ILKAP: variants seen among roughly 807,000 people sequenced by gnomAD.
ILKAP encodes integrin-linked kinase-associated serine/threonine phosphatase 2C.
Under a neutral mutation model 49.1 loss-of-function variants are expected in ILKAP, and 11 were observed. The ratio of observed to expected loss-of-function variants is 0.22; its 90% CI spans 0.14 to 0.37. The LOEUF (loss-of-function observed/expected upper bound fraction) is 0.37. Among genes scored for constraint, ILKAP ranks in the 10% least tolerant of loss-of-function variants. The pLI, the probability that ILKAP is intolerant of heterozygous loss-of-function variation, is 1.00. For missense variants in ILKAP, 363 were observed against 510.8 expected (o/e 0.71, Z 2.79); for synonymous variants, 186 against 192.8 (o/e 0.96, Z 0.29).
In ILKAP at chr2:238,189,755, A is replaced by G. The variant is rs185044328; in HGVS notation, c.298+98T>C. The G allele has an allele frequency of 1.4e-3, 1,608 of 1,161,278 alleles. 16 individuals are homozygous for G. Among genetic ancestry groups the G allele is most frequent in the South Asian group, 1.1e-3 (72 of 67,916 alleles). 71.9% of individuals were successfully genotyped at this position (1,161,278 alleles called of 1,614,324 possible). The stretch of plus-strand genomic sequence containing the variant: ...CCCTACTTATTTCTTAAATACAGAC[A>G]TAAAAAGAAAGTATTATTAGAAAGC... On this transcript the variant is annotated intron_variant, in intron 4 of 11. Coordinates refer to ENST00000254654, the MANE Select transcript of ILKAP (RefSeq NM_030768.3).
At chr2:238,181,047 C>T (rs970736092) in intron 9 of ILKAP, among the ~76,000 whole-genome samples, 1 of 152,164 alleles carries the variant, frequency 6.6e-6, no homozygotes, top group Non-Finnish European at 1.5e-5. Flanking sequence ...TAAACTGCAG[C>T]GACCGTGAAT....
intron 1 of ILKAP, among the ~76,000 whole-genome samples, chr2:238,199,391 G>C (rs763637800): frequency 1.2e-4 from 18 of 152,198 alleles, no homozygotes; most frequent in Non-Finnish European, 2.1e-4. Context: ...CACTTTATGA[G>C]AAAGTCTACT....
rs577528849 is a variant in ILKAP at position 238,197,147 on chromosome 2, G to A, written c.56-2277C>T. Reference sequence around the variant, plus strand: ...GGAGGCGGAGGTTGCGGTGAGCTGAGATAGCGCCACTGCACTCCAGCCTGG... The same window carrying A: ...GGAGGCGGAGGTTGCGGTGAGCTGAAATAGCGCCACTGCACTCCAGCCTGG... On this transcript the variant is annotated intron_variant, in intron 1 of 11. Coordinates refer to ENST00000254654, the MANE Select transcript of ILKAP (RefSeq NM_030768.3). Among the ~76,000 whole-genome samples, 140 of 152,334 alleles carry A rather than the reference G, an allele frequency of 9.2e-4. 1 individual carries two copies. Among genetic ancestry groups the A allele is most frequent in the South Asian group, 6.4e-3 (31 of 4,826 alleles).
rs2106338959 is a variant in ILKAP, at chr2:238,192,824, C to A, written c.178+1451G>T. Among the ~76,000 whole-genome samples, 3 of 152,048 alleles carry A rather than the reference C, an allele frequency of 2.0e-5. 1 individual carries two copies. In the South Asian group the frequency reaches 6.2e-4, roughly 32 times the overall value. On this transcript the variant is annotated intron_variant, in intron 3 of 11. Transcript: ENST00000254654. ...GGTCAGGAGTTCGAGACCAGCCTGGCCAATATGGGAAAACCCTGTCTCTAC... is the reference window on the plus strand; with the variant it reads ...GGTCAGGAGTTCGAGACCAGCCTGGACAATATGGGAAAACCCTGTCTCTAC...
rs182728842 is a variant in ILKAP at position 238,182,386 on chromosome 2, G to C, written c.715-200C>G. Among the ~76,000 whole-genome samples the C allele has an allele frequency of 7.7e-3, 1,180 of 152,316 alleles. 6 individuals are homozygous for C. Among genetic ancestry groups the C allele is most frequent in the African/African-American group, 0.027 (1,109 of 41,574 alleles). On this transcript the variant is annotated intron_variant, in intron 8 of 11. Coordinates refer to ENST00000254654, the MANE Select transcript of ILKAP (RefSeq NM_030768.3). ...CAAAGACACAACAGTTAGGGAGAGA[G>C]TCGCCCCTGGTTTTGATATCAACTC... is the stretch of plus-strand genomic sequence containing the variant.
At chr2:238,179,781 C>T (rs1017202131) in intron 9 of ILKAP, among the ~76,000 whole-genome samples, 3 of 152,170 alleles carry the variant, frequency 2.0e-5, no homozygotes, top group African/African-American at 7.2e-5. Flanking sequence ...CACCTAACTT[C>T]CAGTTTATAG....
At chr2:238,189,341 C>T (rs1694029597) in intron 4 of ILKAP, among the ~76,000 whole-genome samples, 1 of 152,160 alleles carries the variant, frequency 6.6e-6, no homozygotes, top group African/African-American at 2.4e-5. Flanking sequence ...AATCCCACAG[C>T]TCAAGAATAC....
At chr2:238,189,548 C>G (rs926931465) in intron 4 of ILKAP, 30 of 197,236 alleles carry the variant, frequency 1.5e-4, no homozygotes, top group Admixed American at 8.3e-4. Context: ...CAGAGAGAGA[C>G]TAGGTGGTCA....
chr2:238,185,047 TC>T (rs1693846826), intron 6 of ILKAP, 133 bp downstream of exon 6: 6 of 574,182 alleles, frequency 1.0e-5, no homozygotes, highest in East Asian at 5.7e-5. Context: ...TGGCATCCAC[TC>T]CTCAGCACCA....
chr2:238,201,513 C>G lies in ILKAP; in HGVS notation c.55+1986G>C, dbSNP rs560825572. Among the ~76,000 whole-genome samples, 34 of 152,264 alleles carry G rather than the reference C, an allele frequency of 2.2e-4. No individual in the cohort carries two copies. The South Asian group carries it at 2.7e-3, about 12-fold the overall frequency. ...GGTCAGCAGTTTAAACACCATGCACCCCCTCTGCCACCCTTTCAGCTCAGT... is the reference window on the plus strand; with the variant it reads ...GGTCAGCAGTTTAAACACCATGCACGCCCTCTGCCACCCTTTCAGCTCAGT... On this transcript the variant is annotated intron_variant, in intron 1 of 11. Coordinates refer to ENST00000254654, the MANE Select transcript of ILKAP (RefSeq NM_030768.3).
intron 1 of ILKAP, among the ~76,000 whole-genome samples, chr2:238,198,603 G>A (rs551235648): frequency 6.6e-6 from 1 of 152,240 alleles, no homozygotes; most frequent in African/African-American, 2.4e-5. Flanking sequence ...TGGACAAAGT[G>A]TGACCCTGAC....
At chr2:238,175,122 C>T (rs569177373) in intron 9 of ILKAP, among the ~76,000 whole-genome samples, 10 of 148,246 alleles carry the variant, frequency 6.7e-5, no homozygotes, top group African/African-American at 2.2e-4. Context: ...CTCATTCTCT[C>T]TTTTTTTTTT....
At chr2:238,176,094 TC>T (rs920847271) in intron 9 of ILKAP, among the ~76,000 whole-genome samples, 3 of 142,198 alleles carry the variant, frequency 2.1e-5, no homozygotes, top group Admixed American at 7.3e-5. Context: ...TCCCTCAGTT[TC>T]CCCCCCACCC....
chr2:238,178,118 A>G (rs1207349528), intron 9 of ILKAP, among the ~76,000 whole-genome samples: 1 of 152,238 alleles, frequency 6.6e-6, no homozygotes, highest in African/African-American at 2.4e-5. Context: ...CACAGTGCCA[A>G]CAGTACTGCT....
At chr2:238,194,190 G>T in intron 3 of ILKAP, 85 bp downstream of exon 3, 1 of 1,215,454 alleles carries the variant, frequency 8.2e-7, no homozygotes, top group Non-Finnish European at 1.2e-6. Flanking sequence ...CCAAAATCCC[G>T]TTAAAACCTA....
intron 1 of ILKAP, among the ~76,000 whole-genome samples, chr2:238,200,639 T>C (rs1009910386): frequency 3.3e-5 from 5 of 152,168 alleles, no homozygotes; most frequent in Non-Finnish European, 5.9e-5. Context: ...CTGGGCAACA[T>C]GGCAAAGCCT....
At chr2:238,191,436 T>C (rs1181759596) in intron 3 of ILKAP, among the ~76,000 whole-genome samples, 1 of 152,204 alleles carries the variant, frequency 6.6e-6, no homozygotes, top group South Asian at 2.1e-4. Context: ...AAGCGTAAAT[T>C]AGTTGCACAA....
intron 7 of ILKAP, 65 bp downstream of exon 7, chr2:238,183,955 C>T: frequency 8.9e-7 from 1 of 1,120,606 alleles, no homozygotes; most frequent in South Asian, 1.3e-5. Flanking sequence ...CATCAGAAGA[C>T]TGAAATGCAT....
intron 9 of ILKAP, chr2:238,173,922 C>T (rs1693337272): frequency 2.3e-6 from 1 of 443,336 alleles, no homozygotes; most frequent in African/African-American, 2.0e-5. Context: ...CCAGCTTAAC[C>T]TTCGACAGGA....
Sources: gnomAD v4.1 joint callset for allele counts (sites outside exome capture counted in the v4.1 genomes callset) on GRCh38, gnomAD v4.1.1 for gene constraint, MANE v1.5 for transcripts, NCBI Gene and HGNC (gene_info 2026-07-23, HGNC 2026-07-21) for gene names.